IGF2BP3: variants seen among roughly 807,000 people sequenced by gnomAD.
IGF2BP3 encodes the protein insulin-like growth factor 2 mRNA-binding protein 3.
A neutral mutation model predicts 73.8 loss-of-function variants in IGF2BP3; 9 were observed. The ratio of observed to expected loss-of-function variants is 0.12; its 90% CI spans 0.07 to 0.21. The LOEUF (loss-of-function observed/expected upper bound fraction) is 0.21. IGF2BP3 is among the 10% of genes least tolerant of loss of function. IGF2BP3 has a pLI of 1.00. For missense variants in IGF2BP3, 542 were observed against 714.0 expected, an observed-to-expected ratio of 0.76 and a Z score of 2.75; for synonymous variants, 258 against 256.7, an observed-to-expected ratio of 1.01 and a Z score of -0.05.
intron 2 of IGF2BP3, among the ~76,000 whole-genome samples, chr7:23,433,736 G>A (rs1463037445): frequency 6.8e-6 from 1 of 147,202 alleles, no homozygotes; most frequent in African/African-American, 2.4e-5. Flanking sequence ...AAAACTAATT[G>A]ATTAAATTTA....
intron 3 of IGF2BP3, among the ~76,000 whole-genome samples, chr7:23,392,264 C>CT (rs1786300318): frequency 6.6e-6 from 1 of 152,108 alleles, no homozygotes; most frequent in African/African-American, 2.4e-5. Context: ...CCAAGACTTC[C>CT]TCAAGCTTAG....
intron 3 of IGF2BP3, among the ~76,000 whole-genome samples, chr7:23,368,918 C>A (rs1035929674): frequency 5.3e-5 from 8 of 150,918 alleles, no homozygotes; most frequent in Non-Finnish European, 1.2e-4. Flanking sequence ...GAAAAAAAAA[C>A]TTAAAAAAAA....
intron 10 of IGF2BP3, among the ~76,000 whole-genome samples, chr7:23,329,027 G>A (rs1272396570): frequency 7.9e-5 from 12 of 152,034 alleles, no homozygotes; most frequent in Non-Finnish European, 1.5e-4. Context: ...GGCTAACACC[G>A]TGAAACCCCG....
intron 3 of IGF2BP3, among the ~76,000 whole-genome samples, chr7:23,389,158 CT>C (rs141188772): frequency 0.011 from 1,665 of 145,210 alleles, 27 homozygotes; most frequent in African/African-American, 0.036. Flanking sequence ...GAATTATTCC[CT>C]TTTTTTTTTT....
At chr7:23,441,610 A>G (rs1787938309) in intron 2 of IGF2BP3, among the ~76,000 whole-genome samples, 1 of 144,178 alleles carries the variant, frequency 6.9e-6, no homozygotes, top group South Asian at 2.2e-4. Context: ...AAAAAGACAC[A>G]TATGTTAAAA....
chr7:23,336,033 G>A (rs1209805582), intron 10 of IGF2BP3, among the ~76,000 whole-genome samples: 3 of 152,102 alleles, frequency 2.0e-5, no homozygotes, highest in Non-Finnish European at 2.9e-5. Context: ...ATATTGTGGG[G>A]GAACTAGTAG....
In IGF2BP3 at chr7:23,312,769, A is replaced by G; in HGVS notation, c.1607T>C (p.Val536Ala). ...ATAGAAGTGACCAGTTATTTTGACA[A>G]CCACTTGGTCATTCTCATCAGGTGT... ...DQTPDENDQV[V>A]VKITGHFYAC... Residue 536 changes from valine (V) to alanine (A), a missense_variant, in exon 14 of 15, where the codon GTT becomes GCT. Physicochemically the swap from Val to Ala is moderately conservative, Grantham distance 64. Transcript: ENST00000258729. 1 of 1,611,896 alleles carries G rather than the reference A, an allele frequency of 6.2e-7. No homozygotes were observed. Among genetic ancestry groups the G allele is most frequent in the Non-Finnish European group, 8.5e-7 (1 of 1,179,478 alleles).
At chr7:23,411,474 C>G (rs554772453) in intron 3 of IGF2BP3, among the ~76,000 whole-genome samples, 2 of 152,300 alleles carry the variant, frequency 1.3e-5, no homozygotes, top group African/African-American at 4.8e-5. Flanking sequence ...CCCAGCTACT[C>G]AGGAGGCTGA....
In IGF2BP3 at chr7:23,393,176, T is replaced by G. The variant is rs184672403; in HGVS notation, c.285+25600A>C. ...GGAGTGGCCTTCCAGAAGGACCCTT[T>G]ACCTACAGAACTGTGCTATCACCTC... On this transcript the variant is annotated intron_variant, in intron 3 of 14. Transcript: ENST00000258729. Among the ~76,000 whole-genome samples, 301 of 152,262 alleles carry G rather than the reference T, an allele frequency of 2.0e-3. 1 individual carries two copies. The highest frequency in any genetic ancestry group is 0.01 in the Middle Eastern group (3 of 294).
Position 23,312,744 on chromosome 7 carries a change from A to G in IGF2BP3, c.1632T>C (p.Tyr544=). 6.2e-7 allele frequency: 1 copy of G among 1,607,192 alleles called. No homozygotes were observed. The highest frequency in any genetic ancestry group is 8.5e-7 in the Non-Finnish European group (1 of 1,176,424). The change falls in exon 14 of 15, where the codon TAT becomes TAC. Residue 544 remains tyrosine (Y), a synonymous_variant. Coordinates refer to ENST00000258729, the MANE Select transcript of IGF2BP3 (RefSeq NM_006547.3). ...QVVVKITGHF[Y]ACQVAQRKIQ... ...TTTAGAGCCCACTTGCCTGGCAAGC[A>G]TAGAAGTGACCAGTTATTTTGACAA...
intron 10 of IGF2BP3, among the ~76,000 whole-genome samples, chr7:23,331,930 C>G (rs1402762638): frequency 6.6e-6 from 1 of 150,608 alleles, no homozygotes; most frequent in Admixed American, 6.6e-5. Flanking sequence ...AAAAAACTTA[C>G]AATCGTGGCG....
chr7:23,374,901 T>C (rs1186461266), intron 3 of IGF2BP3, among the ~76,000 whole-genome samples: 3 of 152,150 alleles, frequency 2.0e-5, no homozygotes, highest in African/African-American at 7.2e-5. Flanking sequence ...TAAATGTCCA[T>C]GAAATCTTCA....
intron 2 of IGF2BP3, among the ~76,000 whole-genome samples, chr7:23,449,254 A>T (rs746591867): frequency 6.6e-6 from 1 of 152,060 alleles, no homozygotes; most frequent in Admixed American, 6.6e-5. Flanking sequence ...GTGGTGGCTC[A>T]TGCCTGAAAT....
At chr7:23,352,899 G>T (rs1174594780) in intron 5 of IGF2BP3, among the ~76,000 whole-genome samples, 4 of 151,890 alleles carry the variant, frequency 2.6e-5, no homozygotes, top group Non-Finnish European at 4.4e-5. Context: ...AAATTGTTGT[G>T]TTCTGTTTTC....
At chr7:23,425,974 C>CA (rs1787498229) in intron 2 of IGF2BP3, among the ~76,000 whole-genome samples, 1 of 137,174 alleles carries the variant, frequency 7.3e-6, no homozygotes, top group Non-Finnish European at 1.7e-5. Flanking sequence ...TCAAAAAAAA[C>CA]AAACAAAAAA....
chr7:23,424,495 T>A (rs1271156511), intron 2 of IGF2BP3, among the ~76,000 whole-genome samples: 1 of 152,040 alleles, frequency 6.6e-6, no homozygotes, highest in Non-Finnish European at 1.5e-5. Context: ...AGACTCCATC[T>A]CAAAAAATAA....
chr7:23,405,682 C>T (rs966680187), intron 3 of IGF2BP3, among the ~76,000 whole-genome samples: 2 of 152,180 alleles, frequency 1.3e-5, no homozygotes, highest in African/African-American at 4.8e-5. Flanking sequence ...ATCTAGGTTG[C>T]ATACTCCTTA....
chr7:23,452,800 C>CAA (rs34216508), intron 2 of IGF2BP3, among the ~76,000 whole-genome samples: 2,998 of 114,144 alleles, frequency 0.026, 47 homozygotes, highest in Non-Finnish European at 0.034. Flanking sequence ...AGACTCATCT[C>CAA]AAAAAAAAAA....
intron 3 of IGF2BP3, among the ~76,000 whole-genome samples, chr7:23,412,446 T>G (rs1469933593): frequency 6.6e-6 from 1 of 152,210 alleles, no homozygotes; most frequent in Non-Finnish European, 1.5e-5. Flanking sequence ...GACTGTGATT[T>G]TTAAGTATGT....
Sources: allele counts gnomAD v4.1 joint callset (sites outside exome capture counted in the v4.1 genomes callset), GRCh38; gene constraint gnomAD v4.1.1; transcripts MANE v1.5; gene names NCBI Gene and HGNC (gene_info 2026-07-23, HGNC 2026-07-21).